ZNF679: variants seen among roughly 807,000 people sequenced by gnomAD.
The protein encoded by ZNF679 is hypothetical protein MGC42415.
In ZNF679, 10 loss-of-function variants were observed where a neutral mutation model predicts 13.4. The ratio of observed to expected loss-of-function variants is 0.75; its 90% CI spans 0.46 to 1.27. The LOEUF (loss-of-function observed/expected upper bound fraction) is 1.27. ZNF679 is among the 50% of genes most tolerant of loss of function. The pLI, the probability that ZNF679 is intolerant of heterozygous loss-of-function variation, is 0.00. For missense variants in ZNF679, 525 were observed against 477.8 expected, an observed-to-expected ratio of 1.10 and a Z score of -0.92; for synonymous variants, 179 against 162.5, an observed-to-expected ratio of 1.10 and a Z score of -0.77.
intron 2 of ZNF679, among the ~76,000 whole-genome samples, chr7:64,251,138 C>T (rs1039419666): frequency 1.3e-5 from 2 of 151,964 alleles, no homozygotes; most frequent in Non-Finnish European, 1.5e-5. Context: ...AAAAGTTTCC[C>T]GTTTATAAAT....
At chr7:64,263,505 A>G (rs1788104823) in intron 4 of ZNF679, among the ~76,000 whole-genome samples, 1 of 152,190 alleles carries the variant, frequency 6.6e-6, no homozygotes, top group Admixed American at 6.5e-5. Context: ...TCCAAATCTC[A>G]TGTTGAAATG....
At chr7:64,251,357 G>A (rs1383226463) in intron 2 of ZNF679, among the ~76,000 whole-genome samples, 1 of 152,016 alleles carries the variant, frequency 6.6e-6, no homozygotes, top group East Asian at 1.9e-4. Context: ...AGGAGGCTGA[G>A]ACAAGAAAAT....
At chr7:64,242,865 AAG>A (rs1787816716) in intron 1 of ZNF679, among the ~76,000 whole-genome samples, 1 of 152,084 alleles carries the variant, frequency 6.6e-6, no homozygotes, top group Non-Finnish European at 1.5e-5. Flanking sequence ...GTCCGGGTAT[AAG>A]AGCCATTGCT....
At chr7:64,263,738 T>G (rs1171734093) in intron 4 of ZNF679, among the ~76,000 whole-genome samples, 1 of 152,178 alleles carries the variant, frequency 6.6e-6, no homozygotes, top group Admixed American at 6.5e-5. Flanking sequence ...CCACTATAAT[T>G]GTAAGCTTCC....
rs1178729584 is a variant in ZNF679 at position 64,266,194 on chromosome 7, A to C, written c.561A>C (p.Lys187Asn). Reference protein sequence around the residue: ...RHTGKKHFKCKKYGKSFCMVS... With the variant: ...RHTGKKHFKCNKYGKSFCMVS... ...CTGGAAAGAAACATTTCAAATGTAA[A>C]AAATATGGCAAATCATTTTGCATGG... is the stretch of plus-strand genomic sequence containing the variant. Residue 187 changes from lysine to asparagine, a missense_variant, in exon 5 of 5, where the codon AAA becomes AAC. Transcript: ENST00000421025. 6.3e-7 allele frequency: 1 copy of C among 1,586,370 alleles called. No individual in the cohort carries two copies. The highest frequency in any genetic ancestry group is 1.1e-5 in the South Asian group (1 of 88,686).
intron 1 of ZNF679, among the ~76,000 whole-genome samples, chr7:64,240,359 G>A (rs182985084): frequency 3.9e-5 from 6 of 152,318 alleles, no homozygotes; most frequent in Non-Finnish European, 7.3e-5. Flanking sequence ...AAGGTGAGAT[G>A]ATGACTCTCA....
intron 4 of ZNF679, among the ~76,000 whole-genome samples, chr7:64,264,328 T>A (rs1168472518): frequency 6.6e-6 from 1 of 152,138 alleles, no homozygotes. Context: ...TTGATGTTGA[T>A]AATTATATCT....
intron 1 of ZNF679, among the ~76,000 whole-genome samples, chr7:64,236,975 A>AAGAAAGAAAGAAAGAGAAAGAAAG (rs201487010): frequency 6.1e-5 from 1 of 16,264 alleles, no homozygotes; most frequent in African/African-American, 1.6e-4. Context: ...GAAAGAAAGA[A>AAGAAAGAAAGAAAGAGAAAGAAAG]AAAGAAAGAA....
At chr7:64,244,489 C>T (rs972454532) in intron 1 of ZNF679, among the ~76,000 whole-genome samples, 1 of 152,170 alleles carries the variant, frequency 6.6e-6, no homozygotes, top group South Asian at 2.1e-4. Flanking sequence ...TGCGGCTCAC[C>T]GCAACCTCAG....
intron 1 of ZNF679, among the ~76,000 whole-genome samples, chr7:64,228,890 G>A (rs1435564085): frequency 6.6e-6 from 1 of 152,176 alleles, no homozygotes; most frequent in Non-Finnish European, 1.5e-5. Context: ...AGTGAGCTGT[G>A]TCCATATGGG....
At chr7:64,250,978 T>G (rs1344366931) in intron 2 of ZNF679, among the ~76,000 whole-genome samples, 2 of 152,220 alleles carry the variant, frequency 1.3e-5, no homozygotes, top group Non-Finnish European at 2.9e-5. Flanking sequence ...CAGTTCCATC[T>G]GACATTCCCA....
chr7:64,254,880 AT>A (rs1787983311), intron 2 of ZNF679, among the ~76,000 whole-genome samples: 1 of 151,578 alleles, frequency 6.6e-6, no homozygotes, highest in African/African-American at 2.4e-5. Flanking sequence ...GGTGCCTGTA[AT>A]CCCAGCTACT....
intron 1 of ZNF679, among the ~76,000 whole-genome samples, chr7:64,244,172 C>T (rs1787836507): frequency 6.6e-6 from 1 of 152,082 alleles, no homozygotes; most frequent in Non-Finnish European, 1.5e-5. Flanking sequence ...ATTGCTTGAT[C>T]CCGGTAGGTG....
rs552027626 is a variant in ZNF679 at position 64,249,594 on chromosome 7, T to C, written c.39+438T>C. Among the ~76,000 whole-genome samples, 12 of 152,296 alleles carry C rather than the reference T, an allele frequency of 7.9e-5. No homozygotes were observed. The South Asian group carries it at 2.5e-3, about 32-fold the overall frequency. On this transcript the variant is annotated intron_variant, in intron 2 of 4. Coordinates refer to ENST00000421025, the MANE Select transcript of ZNF679 (RefSeq NM_153363.3). ...AAAATATTAGACAATTTGATCAAAA[T>C]GTGATTCAAGAATCATAGAGTGCCC...
At chr7:64,239,206 G>A (rs1206431214) in intron 1 of ZNF679, among the ~76,000 whole-genome samples, 4 of 152,220 alleles carry the variant, frequency 2.6e-5, no homozygotes, top group East Asian at 3.9e-4. Flanking sequence ...TCTCATATAC[G>A]GATCCAGTCC....
chr7:64,251,530 C>A (rs1787944267), intron 2 of ZNF679, among the ~76,000 whole-genome samples: 1 of 152,148 alleles, frequency 6.6e-6, no homozygotes, highest in African/African-American at 2.4e-5. Flanking sequence ...TGTGCCTCTT[C>A]TTTTGTCTTG....
chr7:64,238,856 A>T (rs565718116), intron 1 of ZNF679, among the ~76,000 whole-genome samples: 2 of 152,232 alleles, frequency 1.3e-5, no homozygotes, highest in South Asian at 4.1e-4. Context: ...CCCACAGTTG[A>T]CATGGTGACA....
At chr7:64,233,319 C>T (rs1392999898) in intron 1 of ZNF679, among the ~76,000 whole-genome samples, 1 of 150,828 alleles carries the variant, frequency 6.6e-6, no homozygotes, top group Non-Finnish European at 1.5e-5. Context: ...GGGGAGACCT[C>T]GTCGTTAAGA....
At position 64,266,409 on chromosome 7, in the gene ZNF679, G is replaced by T; in HGVS notation, c.776G>T (p.Arg259Met). ...FTWSSTLTKH[R>M]RIHTGEKPYT... is the part of the protein sequence containing the mutation. ...TGGTCCTCAACCCTTACTAAACATA[G>T]GAGAATTCATACTGGAGAAAAACCC... Residue 259 changes from arginine (R) to methionine (M), a missense_variant, in exon 5 of 5, where the codon AGG (arginine) becomes ATG (methionine). Physicochemically the swap from Arg to Met is moderately conservative, Grantham distance 91. Transcript: ENST00000421025. The T allele has an allele frequency of 6.2e-7, 1 of 1,610,186 alleles. No individual in the cohort carries two copies. Among genetic ancestry groups the T allele is most frequent in the Non-Finnish European group, 8.5e-7 (1 of 1,178,684 alleles).
Sources: gnomAD v4.1 joint callset for allele counts (sites outside exome capture counted in the v4.1 genomes callset) on GRCh38, gnomAD v4.1.1 for gene constraint, MANE v1.5 for transcripts, NCBI Gene and HGNC (gene_info 2026-07-23, HGNC 2026-07-21) for gene names.